Variants in JAK1 observed in about 807,000 individuals in gnomAD.
JAK1 encodes the protein tyrosine-protein kinase JAK1.
Under a neutral mutation model 136.6 loss-of-function variants are expected in JAK1, and 16 were observed. The observed-to-expected ratio is 0.12, with a 90% CI of 0.08 to 0.18. The LOEUF (loss-of-function observed/expected upper bound fraction) is 0.18. Among genes scored for constraint, JAK1 ranks in the 10% least tolerant of loss-of-function variants. The pLI is 1.00. For synonymous variants in JAK1, 492 were observed against 519.5 expected (o/e 0.95, Z 0.72); for missense variants, 859 against 1,450.1 (o/e 0.59, Z 6.62).
intron 1 of JAK1, among the ~76,000 whole-genome samples, chr1:64,938,257 T>A (rs1645826999): frequency 6.6e-6 from 1 of 152,220 alleles, no homozygotes; most frequent in African/African-American, 2.4e-5. Context: ...TACTCTTTCG[T>A]AAAGAACAAC....
intron 4 of JAK1, among the ~76,000 whole-genome samples, chr1:64,877,028 G>T (rs1446150176): frequency 6.6e-6 from 1 of 152,156 alleles, no homozygotes; most frequent in Non-Finnish European, 1.5e-5. Flanking sequence ...ACAGAATATG[G>T]TTGTCTTATG....
upstream of JAK1, among the ~76,000 whole-genome samples, chr1:64,967,385 T>G (rs770904903): frequency 1.3e-5 from 2 of 152,240 alleles, no homozygotes; most frequent in Middle Eastern, 3.4e-3. Context: ...TCTTAAATCG[T>G]CACTCCATTC....
intron 6 of JAK1, 134 bp from the exon 7 acceptor site, chr1:64,867,342 T>C (rs1656769442): frequency 1.6e-6 from 1 of 640,032 alleles, no homozygotes; most frequent in African/African-American, 1.8e-5. Flanking sequence ...GGACGTTAGA[T>C]GGAGTTAGCA....
In JAK1 at chr1:65,055,369, G is replaced by C. The variant is rs146994318; in HGVS notation, c.-180-10787C>G. ...TAAGGCTGAATCATATTCCAATGTA[G>C]GTATACACTACATTTCATTTATCTA... On this transcript the variant is annotated intron_variant, in intron 1 of 25. Coordinates refer to the JAK1 transcript ENST00000671954. Among the ~76,000 whole-genome samples the C allele has an allele frequency of 5.9e-3, 891 of 152,220 alleles. 6 individuals carry two copies. Among genetic ancestry groups the C allele is most frequent in the African/African-American group, 0.019 (800 of 41,532 alleles).
rs1224731580 is a variant in JAK1, at chr1:64,850,873, C to T, written c.1686G>A (p.Gln562=). The stretch of plus-strand genomic sequence containing the variant: ...TCATGGGGTAGACGGGCTGCCACTC[C>T]TGGGCTTTCTTAGTAGCCACCAGCA... ...SNLLVATKKA[Q]EWQPVYPMSQ... The change falls in exon 12 of 25, where the codon CAG becomes CAA. Residue 562 remains glutamine, a synonymous_variant. Coordinates refer to ENST00000342505, the MANE Select transcript of JAK1 (RefSeq NM_002227.4). 5 of 1,613,964 alleles carry T rather than the reference C, an allele frequency of 3.1e-6. No individual in the cohort carries two copies. The Admixed American group carries it at 5.0e-5, about 16-fold the overall frequency.
chr1:65,054,207 G>A (rs1569958771), intron 1 of JAK1, among the ~76,000 whole-genome samples: 1 of 152,080 alleles, frequency 6.6e-6, no homozygotes, highest in African/African-American at 2.4e-5. Context: ...TCAAATTTAA[G>A]CATGTAACAA....
intron 11 of JAK1, 48 bp downstream of exon 11, chr1:64,855,461 G>C: frequency 6.3e-7 from 1 of 1,577,334 alleles, no homozygotes. Context: ...CTGGGTCTCA[G>C]CACATTACTG....
At chr1:64,842,966 G>C (rs900232706) in intron 17 of JAK1, among the ~76,000 whole-genome samples, 2 of 152,046 alleles carry the variant, frequency 1.3e-5, no homozygotes, top group East Asian at 3.9e-4. Flanking sequence ...TCCCATTGCT[G>C]AGAGACTCGG....
At chr1:64,990,969 C>T (rs1646651852) in intron 2 of JAK1, 1 of 140,700 alleles carries the variant, frequency 7.1e-6, no homozygotes, top group South Asian at 2.4e-4. Context: ...AGAAAAGAAG[C>T]TGACAAAAAC....
chr1:64,932,855 T>C (rs1371968750), intron 1 of JAK1, among the ~76,000 whole-genome samples: 9 of 152,134 alleles, frequency 5.9e-5, no homozygotes, highest in African/African-American at 2.2e-4. Context: ...GACTCTGCAC[T>C]GCCCTCCCAA....
intron 1 of JAK1, among the ~76,000 whole-genome samples, chr1:65,063,427 C>T (rs938006218): frequency 6.6e-6 from 1 of 152,144 alleles, no homozygotes; most frequent in Non-Finnish European, 1.5e-5. Context: ...CTTGGGGTCC[C>T]CAATCATCAC....
Position 64,864,936 on chromosome 1 carries a change from G to A in JAK1, c.1027C>T (p.Arg343Trp), listed in dbSNP as rs763659890. The change falls in exon 8 of 25, where the codon CGG (arginine) becomes TGG (tryptophan). Residue 343 changes from arginine (R) to tryptophan (W), a missense_variant. Around this residue, in one of 4 missense-constraint regions of JAK1, gnomAD observed 353 missense variants for 494.0 expected, o/e 0.71. Coordinates refer to ENST00000342505, the MANE Select transcript of JAK1 (RefSeq NM_002227.4). The stretch of plus-strand genomic sequence containing the variant: ...TTGTGTTTATTTTCCAGTTTTTTCC[G>A]CTTCAGTTTATTTTTTTCCTTTTCA... Reference protein sequence around the residue: ...SVEKEKNKLKRKKLENKHKKD... With the variant: ...SVEKEKNKLKWKKLENKHKKD... 13 of 1,613,032 alleles carry A rather than the reference G, an allele frequency of 8.1e-6. No individual in the cohort carries two copies. The African/African-American group carries it at 9.4e-5, about 12-fold the overall frequency.
chr1:64,990,176 CATGTGCCTGCA>C (rs1426471377), intron 2 of JAK1: 1 of 150,192 alleles, frequency 6.7e-6, no homozygotes, highest in African/African-American at 2.5e-5. Flanking sequence ...GGTGTGGTGG[CATGTGCCTGCA>C]ATCTTAGCTA....
chr1:64,858,290 C>T (rs138985804), intron 9 of JAK1, among the ~76,000 whole-genome samples: 136 of 152,278 alleles, frequency 8.9e-4, no homozygotes, highest in South Asian at 7.5e-3. Flanking sequence ...ATCCCCAGGA[C>T]CAGTGAGTCC....
chr1:64,914,062 A>G (rs527358646), intron 1 of JAK1, among the ~76,000 whole-genome samples: 1 of 152,296 alleles, frequency 6.6e-6, no homozygotes, highest in African/African-American at 2.4e-5. Flanking sequence ...AAGACTCTAC[A>G]ATGCAGGTTA....
At chr1:64,870,937 C>G (rs766998516) in intron 5 of JAK1, among the ~76,000 whole-genome samples, 1 of 152,138 alleles carries the variant, frequency 6.6e-6, no homozygotes, top group Non-Finnish European at 1.5e-5. Flanking sequence ...TAAACATTCA[C>G]TGTACAGCTA....
intron 1 of JAK1, among the ~76,000 whole-genome samples, chr1:64,956,887 G>A (rs760130474): frequency 2.0e-5 from 3 of 152,170 alleles, no homozygotes; most frequent in African/African-American, 7.2e-5. Context: ...AGAAAGAGAC[G>A]ATACTCAAAA....
chr1:64,834,503 G>T lies in JAK1; in HGVS notation c.*59C>A. 1.8e-6 allele frequency: 2 copies of T among 1,141,188 alleles called. No individual in the cohort carries two copies. Among genetic ancestry groups the T allele is most frequent in the Non-Finnish European group, 2.6e-6 (2 of 764,850 alleles). 70.7% of individuals were successfully genotyped at this position (1,141,188 alleles called of 1,614,324 possible). On this transcript the variant is annotated 3_prime_UTR_variant, in exon 25 of 25. Coordinates refer to ENST00000342505, the MANE Select transcript of JAK1 (RefSeq NM_002227.4). ...TAGAAATTTTTAAAAAATGACTTGG[G>T]CATTTGTTGCAGGAGAAGGACTTGA...
chr1:65,043,514 T>TTA (rs546666658), intron 2 of JAK1, among the ~76,000 whole-genome samples: 27 of 151,210 alleles, frequency 1.8e-4, no homozygotes, highest in East Asian at 3.9e-4. Context: ...TAGCATATGA[T>TTA]TATATATATA....
Sources: gnomAD v4.1 joint callset for allele counts (sites outside exome capture counted in the v4.1 genomes callset) on GRCh38, gnomAD v4.1.1 for gene constraint, gnomAD v4.1.1 regional missense constraint, MANE v1.5 for transcripts, NCBI Gene and HGNC (gene_info 2026-07-23, HGNC 2026-07-21) for gene names.